The following RASSF3 variants were observed in gnomAD, a reference collection of about 807,000 sequenced individuals.
The protein encoded by RASSF3 is ras association domain-containing protein 3.
RASSF3 carries 19 observed loss-of-function variants against 19.9 expected under a neutral mutation model. The ratio of observed to expected loss-of-function variants is 0.96; its 90% confidence interval spans 0.67 to 1.40. The LOEUF is 1.40. Among genes scored for constraint, RASSF3 ranks in the 40% most tolerant of loss-of-function variants. The pLI is 0.00. For synonymous variants in RASSF3, 110 were observed against 104.2 expected (o/e 1.06, Z -0.34); for missense variants, 306 against 289.8 (o/e 1.06, Z -0.41).
intron 1 of RASSF3, among the ~76,000 whole-genome samples, chr12:64,616,422 C>G (rs1870553087): frequency 6.6e-6 from 1 of 152,252 alleles, no homozygotes; most frequent in East Asian, 1.9e-4. Flanking sequence ...TGAGTCTGAC[C>G]AAATACTTTC....
chr12:64,693,804 C>A (rs553249923), intron 4 of RASSF3, among the ~76,000 whole-genome samples: 1 of 152,280 alleles, frequency 6.6e-6, no homozygotes, highest in East Asian at 1.9e-4. Context: ...AGCCTCAAGG[C>A]AAGAGATAAA....
At chr12:64,693,317 C>T (rs959034258) in intron 4 of RASSF3, among the ~76,000 whole-genome samples, 1 of 152,030 alleles carries the variant, frequency 6.6e-6, no homozygotes, top group Non-Finnish European at 1.5e-5. Context: ...TCCAGGGCCC[C>T]CTTTGGGAGA....
upstream of RASSF3, among the ~76,000 whole-genome samples, chr12:64,605,963 C>T (rs964954642): frequency 2.0e-5 from 3 of 150,404 alleles, no homozygotes; most frequent in Non-Finnish European, 4.4e-5. Flanking sequence ...AGGGTGGTGT[C>T]AAACCTGGTT....
In RASSF3 at chr12:64,597,916, T is replaced by A. The variant is rs140551453; in HGVS notation, c.294+56211T>A. 9.9e-5 allele frequency among the ~76,000 whole-genome samples: 15 copies of A among 151,954 alleles called. No individual in the cohort carries two copies. The East Asian group carries it at 2.9e-3, about 30-fold the overall frequency. On this transcript the variant is annotated intron_variant, in intron 2 of 5. Transcript: ENST00000637125. ...CTCCTTTGAAGGCTTCCTGACCAAA[T>A]CTTTTATTTATTTTGTTTTGAGACA... is the stretch of plus-strand genomic sequence containing the variant.
chr12:64,532,546 G>T (rs1278074240), upstream of RASSF3, among the ~76,000 whole-genome samples: 1 of 152,060 alleles, frequency 6.6e-6, no homozygotes, highest in African/African-American at 2.4e-5. Flanking sequence ...GTGAGGGCTA[G>T]ATGTGGTGGC....
intron 1 of RASSF3, among the ~76,000 whole-genome samples, chr12:64,667,149 G>GTTTCCT (rs1872557900): frequency 6.6e-6 from 1 of 152,122 alleles, no homozygotes. Flanking sequence ...CCTCTGCATT[G>GTTTCCT]GGAATTTCTA....
chr12:64,621,259 T>C (rs995238262), intron 1 of RASSF3, among the ~76,000 whole-genome samples: 1 of 152,126 alleles, frequency 6.6e-6, no homozygotes, highest in Admixed American at 6.6e-5. Flanking sequence ...AACTGTGAAT[T>C]TAATACTTTT....
chr12:64,598,698 T>C (rs1870036216), intron 2 of RASSF3, among the ~76,000 whole-genome samples: 2 of 152,172 alleles, frequency 1.3e-5, no homozygotes, highest in South Asian at 4.1e-4. Context: ...AAAAAAGCAT[T>C]TCTATTTTCC....
chr12:64,618,936 A>G (rs1235575592), intron 1 of RASSF3, among the ~76,000 whole-genome samples: 3 of 152,216 alleles, frequency 2.0e-5, no homozygotes, highest in Admixed American at 6.5e-5. Context: ...AATAAAAAAA[A>G]AGAAAGAATG....
At chr12:64,670,160 C>A (rs1417288628) in intron 1 of RASSF3, among the ~76,000 whole-genome samples, 2 of 151,922 alleles carry the variant, frequency 1.3e-5, no homozygotes, top group Non-Finnish European at 1.5e-5. Flanking sequence ...CAGTTGGTGC[C>A]TGCATTAAGG....
intron 1 of RASSF3, among the ~76,000 whole-genome samples, chr12:64,624,225 TAC>T (rs1442999878): frequency 6.6e-6 from 1 of 151,900 alleles, no homozygotes; most frequent in Admixed American, 6.5e-5. Flanking sequence ...GAAGCTCTGT[TAC>T]AGTTTTAAAA....
At chr12:64,535,916 G>A (rs1868814771) in intron 1 of RASSF3, among the ~76,000 whole-genome samples, 1 of 151,194 alleles carries the variant, frequency 6.6e-6, no homozygotes, top group African/African-American at 2.4e-5. Flanking sequence ...CAAACTCCCA[G>A]CTTCAGGTGA....
intron 1 of RASSF3, among the ~76,000 whole-genome samples, chr12:64,667,363 G>A (rs1872563205): frequency 6.6e-6 from 1 of 152,048 alleles, no homozygotes; most frequent in Non-Finnish European, 1.5e-5. Context: ...GTCTCGCTCT[G>A]TCACCCAGGC....
chr12:64,668,217 A>AC, intron 1 of RASSF3, among the ~76,000 whole-genome samples: 1 of 151,764 alleles, frequency 6.6e-6, no homozygotes, highest in East Asian at 1.9e-4. Context: ...TCACTCAGCC[A>AC]GCCTGGGGCA....
chr12:64,607,470 G>A (rs1237623422), upstream of RASSF3, among the ~76,000 whole-genome samples: 1 of 151,662 alleles, frequency 6.6e-6, no homozygotes, highest in Non-Finnish European at 1.5e-5. Flanking sequence ...CCAGGGCTCA[G>A]GTGACTCTCC....
At chr12:64,657,711 G>A (rs1872210043) in intron 1 of RASSF3, among the ~76,000 whole-genome samples, 1 of 152,234 alleles carries the variant, frequency 6.6e-6, no homozygotes, top group Non-Finnish European at 1.5e-5. Context: ...CACAGGAGCA[G>A]GATAAAACTG....
intron 2 of RASSF3, among the ~76,000 whole-genome samples, chr12:64,568,634 A>C (rs111935803): frequency 2.0e-5 from 3 of 151,788 alleles, no homozygotes; most frequent in African/African-American, 4.8e-5. Context: ...GTTCGGTTCT[A>C]CTGAAAATTT....
intron 1 of RASSF3, among the ~76,000 whole-genome samples, chr12:64,616,505 A>G (rs144708984): frequency 1.4e-3 from 217 of 152,312 alleles, no homozygotes; most frequent in Non-Finnish European, 2.6e-3. Context: ...GTCTCCAAGC[A>G]TAAGTAGCTG....
At chr12:64,518,581 T>C (rs1049632010) in intron 1 of RASSF3, among the ~76,000 whole-genome samples, 4 of 152,234 alleles carry the variant, frequency 2.6e-5, no homozygotes, top group African/African-American at 9.6e-5. Context: ...GGGGATTACA[T>C]TTCAATGTGA....
Sources: allele counts gnomAD v4.1 joint callset (sites outside exome capture counted in the v4.1 genomes callset), GRCh38; gene constraint gnomAD v4.1.1; transcripts MANE v1.5; gene names NCBI Gene and HGNC (gene_info 2026-07-23, HGNC 2026-07-21).